FHIT: variants seen among roughly 807,000 people sequenced by gnomAD.
The protein encoded by FHIT is bis(5'-adenosyl)-triphosphatase.
Under a neutral mutation model 17.9 loss-of-function variants are expected in FHIT, and 19 were observed. That is an observed-to-expected ratio of 1.06 (90% confidence interval 0.74 to 1.56). The LOEUF (loss-of-function observed/expected upper bound fraction) is 1.56. FHIT is among the 40% of genes most tolerant of loss of function. FHIT has a pLI of 0.00. For missense variants in FHIT, 248 were observed against 189.2 expected, an observed-to-expected ratio of 1.31 and a Z score of -1.82; for synonymous variants, 81 against 69.7, an observed-to-expected ratio of 1.16 and a Z score of -0.81.
intron 4 of FHIT, among the ~76,000 whole-genome samples, chr3:60,684,261 T>A (rs782428687): frequency 2.8e-4 from 42 of 152,150 alleles, no homozygotes; most frequent in Middle Eastern, 3.4e-3. Context: ...CATTTAGGTC[T>A]CCCAAAATAA....
rs1324013309 is a variant in FHIT at position 61,187,564 on chromosome 3, C to T, written c.-164+13053G>A. 2.0e-5 allele frequency among the ~76,000 whole-genome samples: 3 copies of T among 152,200 alleles called. No homozygotes were observed. In the East Asian group the frequency reaches 5.8e-4, roughly 29 times the overall value. ...AAGGATATCCAGGAATTGAACTCAG[C>T]TCTGCAGCAAGCGGACCTAATAGAC... On this transcript the variant is annotated intron_variant, in intron 2 of 9. Transcript: ENST00000492590.
chr3:60,624,989 A>T (rs2039245546), intron 4 of FHIT, among the ~76,000 whole-genome samples: 1 of 152,002 alleles, frequency 6.6e-6, no homozygotes, highest in South Asian at 2.1e-4. Context: ...GCTCACTGCA[A>T]TCTCCGCCTC....
intron 5 of FHIT, among the ~76,000 whole-genome samples, chr3:60,389,001 T>A (rs1701121068): frequency 6.6e-6 from 1 of 152,200 alleles, no homozygotes; most frequent in Non-Finnish European, 1.5e-5. Context: ...CTTTTAGTCA[T>A]CCTGGTGTCG....
At chr3:60,489,807 G>A (rs1258647221) in intron 5 of FHIT, among the ~76,000 whole-genome samples, 1 of 151,922 alleles carries the variant, frequency 6.6e-6, no homozygotes, top group Admixed American at 6.6e-5. Context: ...TGTTTTCATA[G>A]CCAAAAGACT....
At chr3:59,801,758 G>C (rs988832866) in intron 8 of FHIT, among the ~76,000 whole-genome samples, 3 of 152,016 alleles carry the variant, frequency 2.0e-5, no homozygotes, top group Non-Finnish European at 2.9e-5. Flanking sequence ...GTGAGGTTTC[G>C]AGTGGGTAAA....
At chr3:60,522,936 C>A (rs898561505) in intron 5 of FHIT, among the ~76,000 whole-genome samples, 9 of 152,158 alleles carry the variant, frequency 5.9e-5, no homozygotes, top group Non-Finnish European at 1.2e-4. Context: ...GTTTAATAGA[C>A]TCATAGTTCC....
At chr3:60,602,183 A>T (rs2038465697) in intron 4 of FHIT, among the ~76,000 whole-genome samples, 1 of 152,190 alleles carries the variant, frequency 6.6e-6, no homozygotes, top group Non-Finnish European at 1.5e-5. Flanking sequence ...GGTGGAAATG[A>T]TACAGTATCC....
intron 5 of FHIT, among the ~76,000 whole-genome samples, chr3:60,380,561 A>G (rs570627930): frequency 6.6e-6 from 1 of 152,298 alleles, no homozygotes; most frequent in Middle Eastern, 3.4e-3. Flanking sequence ...TGAAGGTTGT[A>G]CAACCTTATG....
intron 3 of FHIT, among the ~76,000 whole-genome samples, chr3:61,038,495 T>C (rs1221236582): frequency 3.3e-5 from 5 of 152,164 alleles, no homozygotes; most frequent in African/African-American, 9.7e-5. Flanking sequence ...TGTTTGAATA[T>C]GAAAATAAGG....
At chr3:60,109,948 C>G (rs1704598219) in intron 5 of FHIT, among the ~76,000 whole-genome samples, 1 of 152,110 alleles carries the variant, frequency 6.6e-6, no homozygotes, top group African/African-American at 2.4e-5. Flanking sequence ...CAGCTGAGTG[C>G]TTTGATACTT....
intron 7 of FHIT, among the ~76,000 whole-genome samples, chr3:59,989,523 C>T (rs1380055172): frequency 6.6e-6 from 1 of 152,010 alleles, no homozygotes; most frequent in Non-Finnish European, 1.5e-5. Context: ...CACCATGGCA[C>T]AGGGTCTCTG....
chr3:60,491,623 C>G lies in FHIT; in HGVS notation c.103+45237G>C, dbSNP rs576555994. Among the ~76,000 whole-genome samples, 916 of 152,284 alleles carry G rather than the reference C, an allele frequency of 6.0e-3. 5 individuals carry two copies. Among genetic ancestry groups the G allele is most frequent in the Non-Finnish European group, 9.9e-3 (675 of 68,028 alleles). ...AATGCAGTAATATTCCTTTATATCA[C>G]AAGTTATTAATGGTCAATTTAATGA... On this transcript the variant is annotated intron_variant, in intron 5 of 9. Transcript: ENST00000492590.
chr3:59,856,428 G>C (rs1702159864), intron 8 of FHIT, among the ~76,000 whole-genome samples: 2 of 151,872 alleles, frequency 1.3e-5, no homozygotes, highest in South Asian at 4.1e-4. Flanking sequence ...CCATATGATA[G>C]AAAAAAAGAG....
chr3:60,135,311 A>G (rs1272199248), intron 5 of FHIT, among the ~76,000 whole-genome samples: 1 of 152,210 alleles, frequency 6.6e-6, no homozygotes, highest in Non-Finnish European at 1.5e-5. Context: ...GCATAAATAT[A>G]AGATTATAGG....
At chr3:60,315,489 T>A (rs1238181787) in intron 5 of FHIT, among the ~76,000 whole-genome samples, 3 of 152,152 alleles carry the variant, frequency 2.0e-5, no homozygotes, top group Admixed American at 6.5e-5. Context: ...TATCCTAGCT[T>A]CTATTATGAT....
At position 60,960,157 on chromosome 3, in the gene FHIT, C is replaced by T. The variant is rs553294912; in HGVS notation, c.-111+81890G>A. On this transcript the variant is annotated intron_variant, in intron 3 of 9. Transcript: ENST00000492590. ...AAAATAAAGAGAGTTGTGTTTCAAG[C>T]TTTCCCTCTTCCCTTCTTCCCACCC... 3.9e-5 allele frequency among the ~76,000 whole-genome samples: 6 copies of T among 152,224 alleles called. No homozygotes were observed. The East Asian group carries it at 1.2e-3, about 29-fold the overall frequency.
At chr3:61,081,851 T>C (rs2035148206) in intron 2 of FHIT, among the ~76,000 whole-genome samples, 2 of 152,218 alleles carry the variant, frequency 1.3e-5, no homozygotes, top group African/African-American at 4.8e-5. Context: ...AATATCTTTT[T>C]GGGGGCACAC....
At chr3:60,190,356 GA>G (rs371897853) in intron 5 of FHIT, among the ~76,000 whole-genome samples, 5,440 of 126,566 alleles carry the variant, frequency 0.043, 121 homozygotes, top group Middle Eastern at 0.13. Context: ...GATGAGACCA[GA>G]AAAAAAAAAA....
chr3:60,631,295 T>C (rs577997824), intron 4 of FHIT, among the ~76,000 whole-genome samples: 15 of 152,252 alleles, frequency 9.9e-5, no homozygotes, highest in African/African-American at 3.6e-4. Context: ...CAGATTACAT[T>C]TGTATGAAAC....
Sources: allele counts gnomAD v4.1 joint callset (sites outside exome capture counted in the v4.1 genomes callset), GRCh38; gene constraint gnomAD v4.1.1; transcripts MANE v1.5; gene names NCBI Gene and HGNC (gene_info 2026-07-23, HGNC 2026-07-21).